Variants in ADARB1 observed in about 807,000 individuals in gnomAD.
ADARB1 encodes the protein double-stranded RNA-specific editase 1.
Under a neutral mutation model 52.4 loss-of-function variants are expected in ADARB1, and 10 were observed. The ratio of observed to expected loss-of-function variants is 0.19; its 90% CI spans 0.12 to 0.32. The LOEUF is 0.32. ADARB1 is among the 10% of genes least tolerant of loss of function. The pLI is 1.00. For synonymous variants in ADARB1, 349 were observed against 371.1 expected, an observed-to-expected ratio of 0.94 and a Z score of 0.68; for missense variants, 643 against 922.3, an observed-to-expected ratio of 0.70 and a Z score of 3.92.
At chr21:45,199,963 T>A (rs2092514107) in intron 8 of ADARB1, among the ~76,000 whole-genome samples, 1 of 152,140 alleles carries the variant, frequency 6.6e-6, no homozygotes, top group Non-Finnish European at 1.5e-5. Flanking sequence ...AGACTTTACC[T>A]CAAGGAAGAA....
chr21:45,077,878 T>C (rs2086006086), intron 1 of ADARB1, among the ~76,000 whole-genome samples: 1 of 152,204 alleles, frequency 6.6e-6, no homozygotes. Context: ...TCCTTATTCC[T>C]TGAGTGACTT....
At chr21:45,138,911 TTTG>T (rs1156413746) in intron 2 of ADARB1, among the ~76,000 whole-genome samples, 1 of 147,666 alleles carries the variant, frequency 6.8e-6, no homozygotes, top group East Asian at 2.0e-4. Context: ...CCTCTGTCAG[TTTG>T]TTGTCTTCTT....
intron 8 of ADARB1, among the ~76,000 whole-genome samples, chr21:45,191,880 ATTTTTTTTTTTTTTTTTTT>A (rs777269104): frequency 5.6e-3 from 88 of 15,734 alleles, no homozygotes; most frequent in African/African-American, 5.8e-3. Flanking sequence ...ATATATATAT[ATTTTTTTTTTTTTTTTTTT>A]TTTTTTTTTT....
rs147573765 is a variant in ADARB1 at position 45,180,440 on chromosome 21, A to G, written c.1074A>G (p.Thr358=). Residue 358 remains threonine (T), a synonymous_variant, in exon 5 of 11, where the codon ACA becomes ACG. Coordinates refer to ENST00000348831, the MANE Select transcript of ADARB1 (RefSeq NM_001112.4). ...RRKVLAGVVM[T]TGTDVKDAKV... ...AAGTGCTGGCTGGAGTCGTCATGAC[A>G]ACAGGTAACCATCTTGGTGTTGTAT... The G allele has an allele frequency of 2.0e-3, 3,222 of 1,612,282 alleles. 7 individuals carry two copies. Among genetic ancestry groups the G allele is most frequent in the Middle Eastern group, 0.013 (81 of 6,060 alleles).
intron 2 of ADARB1, among the ~76,000 whole-genome samples, chr21:45,143,221 C>T (rs2145906199): frequency 6.6e-6 from 1 of 152,312 alleles, no homozygotes; most frequent in South Asian, 2.1e-4. Flanking sequence ...CACCCAGCAT[C>T]ACCTCTGCAG....
chr21:45,145,946 A>G (rs1164406445), intron 2 of ADARB1: 1 of 152,270 alleles, frequency 6.6e-6, no homozygotes, highest in Non-Finnish European at 1.5e-5. Flanking sequence ...TTTGCCAGTC[A>G]TGTTGACCAC....
rs1325981020 is a variant in ADARB1, at chr21:45,106,843, G to A, written c.-219-21559G>A. Reference sequence around the variant, plus strand: ...CTGGAGTTGAGTGCGTCAGAGCAGGGCTTGTGGCAAGGCAGGAAGAGGCTG... The same window carrying A: ...CTGGAGTTGAGTGCGTCAGAGCAGGACTTGTGGCAAGGCAGGAAGAGGCTG... On this transcript the variant is annotated intron_variant, in intron 1 of 10. Transcript: ENST00000348831. Among the ~76,000 whole-genome samples, 5 of 152,208 alleles carry A rather than the reference G, an allele frequency of 3.3e-5. No homozygotes were observed. The East Asian group carries it at 9.6e-4, about 29-fold the overall frequency.
rs577487358 is a variant in ADARB1, at chr21:45,090,348, C to T, written c.-220+15555C>T. 2.0e-5 allele frequency among the ~76,000 whole-genome samples: 3 copies of T among 152,142 alleles called. No individual in the cohort carries two copies. In the South Asian group the frequency reaches 6.2e-4, roughly 32 times the overall value. ...AATGAGTCTCTCCCCAGCCCTACCC[C>T]TAGTCTTTTCATTTTTTTCATGTAG... On this transcript the variant is annotated intron_variant, in intron 1 of 10. Transcript: ENST00000348831.
At chr21:45,114,828 G>A (rs995757430) in intron 1 of ADARB1, among the ~76,000 whole-genome samples, 2 of 152,234 alleles carry the variant, frequency 1.3e-5, no homozygotes, top group African/African-American at 4.8e-5. Context: ...CTGCCAGAGG[G>A]AACGCTTGAG....
intron 2 of ADARB1, among the ~76,000 whole-genome samples, chr21:45,134,049 T>C (rs2089166821): frequency 8.7e-6 from 1 of 115,552 alleles, no homozygotes; most frequent in African/African-American, 3.4e-5. Context: ...GATGGGTGTG[T>C]GTGCCCGACA....
At chr21:45,213,017 C>A (rs2092798317) in intron 9 of ADARB1, among the ~76,000 whole-genome samples, 2 of 152,128 alleles carry the variant, frequency 1.3e-5, no homozygotes. Flanking sequence ...GTGCACAGGA[C>A]AAACAAAACC....
intron 5 of ADARB1, among the ~76,000 whole-genome samples, chr21:45,180,843 A>G (rs2091905305): frequency 6.6e-6 from 1 of 152,230 alleles, no homozygotes; most frequent in South Asian, 2.1e-4. Flanking sequence ...GAGGAGGGAG[A>G]GAGCTCTAGC....
chr21:45,141,081 C>T (rs907877676), intron 2 of ADARB1, among the ~76,000 whole-genome samples: 6 of 152,024 alleles, frequency 3.9e-5, no homozygotes, highest in African/African-American at 1.4e-4. Flanking sequence ...GCCTGTAGTC[C>T]CAGCTACTCG....
At chr21:45,121,363 T>C (rs1360808475) in intron 1 of ADARB1, among the ~76,000 whole-genome samples, 1 of 152,178 alleles carries the variant, frequency 6.6e-6, no homozygotes, top group Non-Finnish European at 1.5e-5. Context: ...GGAAAGACTG[T>C]TGTTAGGTGG....
chr21:45,131,535 C>G (rs2088932860), intron 2 of ADARB1, among the ~76,000 whole-genome samples: 1 of 152,214 alleles, frequency 6.6e-6, no homozygotes, highest in South Asian at 2.1e-4. Flanking sequence ...CTGCTCCCTC[C>G]AGGAGGTTTA....
Position 45,180,359 on chromosome 21 carries a change from C to A in ADARB1, c.993C>A (p.Val331=), listed in dbSNP as rs1339970896. 6.2e-7 allele frequency: 1 copy of A among 1,614,136 alleles called. No homozygotes were observed. Residue 331 remains valine, a synonymous_variant, in exon 5 of 11, where the codon GTC becomes GTA. Coordinates refer to ENST00000348831, the MANE Select transcript of ADARB1 (RefSeq NM_001112.4). Reference sequence around the variant, plus strand: ...TAGCTGACGCTGTCTCACGCCTGGTCCTGGGTAAGTTTGGTGACCTGACCG... The same window carrying A: ...TAGCTGACGCTGTCTCACGCCTGGTACTGGGTAAGTTTGGTGACCTGACCG... ...QVLADAVSRL[V]LGKFGDLTDN...
Position 45,184,729 on chromosome 21 carries a change from G to A in ADARB1, c.1397-194G>A, listed in dbSNP as rs1489575326. ...GCCTCCCAAAGTGCTGAGATTACAG[G>A]TGTGAGCCACCATACCCAGCCTCTC... is the stretch of plus-strand genomic sequence containing the variant. On this transcript the variant is annotated intron_variant, in intron 7 of 10. Coordinates refer to ENST00000348831, the MANE Select transcript of ADARB1 (RefSeq NM_001112.4). The A allele has an allele frequency of 8.3e-6, 5 of 600,546 alleles. No homozygotes were observed. The African/African-American group carries it at 9.4e-5, about 11-fold the overall frequency. 37.2% of individuals were successfully genotyped at this position (600,546 alleles called of 1,614,324 possible).
At position 45,176,818 on chromosome 21, in the gene ADARB1, T is replaced by C. The variant is rs1301266376; in HGVS notation, c.963+154T>C. Among the ~76,000 whole-genome samples, 4 of 152,170 alleles carry C rather than the reference T, an allele frequency of 2.6e-5. No homozygotes were observed. Among genetic ancestry groups the C allele is most frequent in the Non-Finnish European group, 5.9e-5 (4 of 68,028 alleles). On this transcript the variant is annotated intron_variant, in intron 4 of 10. Transcript: ENST00000348831. The surrounding 1 kb of genome is among the most constrained non-coding windows in gnomAD (Gnocchi z 5.8). ...TTACTGGTAAGTCTGGCTGCTTGAT[T>C]TCCATGGCCATGTGGCCACTGAGAA... is the stretch of plus-strand genomic sequence containing the variant.
At chr21:45,206,853 C>T (rs144359759) in intron 9 of ADARB1, among the ~76,000 whole-genome samples, 6 of 152,248 alleles carry the variant, frequency 3.9e-5, no homozygotes, top group Admixed American at 2.6e-4. Context: ...GGATTACAGG[C>T]GTGAGCCACC....
Sources: allele counts gnomAD v4.1 joint callset (sites outside exome capture counted in the v4.1 genomes callset), GRCh38; gene constraint gnomAD v4.1.1; non-coding constraint Gnocchi (gnomAD v3.1); transcripts MANE v1.5; gene names NCBI Gene and HGNC (gene_info 2026-07-23, HGNC 2026-07-21).